Variants in FARS2 observed in about 807,000 individuals in gnomAD.
FARS2 encodes the protein phenylalanyl-tRNA synthetase 2, mitochondrial.
In FARS2, 40 loss-of-function variants were observed where a neutral mutation model predicts 46.4. That is an observed-to-expected ratio of 0.86 (90% CI 0.67 to 1.12). The LOEUF (loss-of-function observed/expected upper bound fraction) is 1.12, where lower values mean the gene tolerates loss of function less well. FARS2 is among the 50% of genes most tolerant of loss of function. The pLI, the probability that FARS2 is intolerant of heterozygous loss-of-function variation, is 0.00. For synonymous variants in FARS2, 234 were observed against 214.9 expected, an observed-to-expected ratio of 1.09 and a Z score of -0.78; for missense variants, 513 against 567.9, an observed-to-expected ratio of 0.90 and a Z score of 0.98.
intron 6 of FARS2, among the ~76,000 whole-genome samples, chr6:5,678,320 A>G (rs1033682049): frequency 6.6e-5 from 10 of 152,122 alleles, no homozygotes. Context: ...ATTTCCATCA[A>G]CGCTTGAAGG....
chr6:5,691,821 T>C (rs1373608826), intron 6 of FARS2, among the ~76,000 whole-genome samples: 3 of 152,200 alleles, frequency 2.0e-5, no homozygotes, highest in Non-Finnish European at 2.9e-5. Context: ...CTCCTTGAGC[T>C]GCAGTGGGCT....
At chr6:5,621,299 C>T (rs1775764840) in intron 6 of FARS2, among the ~76,000 whole-genome samples, 1 of 151,728 alleles carries the variant, frequency 6.6e-6, no homozygotes, top group Non-Finnish European at 1.5e-5. Flanking sequence ...CTTCGTTGCC[C>T]AGGCCGATCT....
At chr6:5,564,316 C>T (rs534296757) in intron 5 of FARS2, among the ~76,000 whole-genome samples, 2 of 152,248 alleles carry the variant, frequency 1.3e-5, no homozygotes, top group African/African-American at 4.8e-5. Flanking sequence ...ACAAAGAAAC[C>T]TCCGGGTTAT....
intron 5 of FARS2, among the ~76,000 whole-genome samples, chr6:5,604,167 C>T (rs571517023): frequency 6.6e-6 from 1 of 152,262 alleles, no homozygotes; most frequent in African/African-American, 2.4e-5. Flanking sequence ...CAAGTCTTTG[C>T]TTGGTGGCTT....
At chr6:5,366,809 G>A (rs1327776103) in intron 1 of FARS2, among the ~76,000 whole-genome samples, 1 of 152,090 alleles carries the variant, frequency 6.6e-6, no homozygotes, top group Non-Finnish European at 1.5e-5. Flanking sequence ...TTGTGTTTTG[G>A]CAAGGGTGCT....
intron 1 of FARS2, among the ~76,000 whole-genome samples, chr6:5,353,861 C>T (rs1327145890): frequency 3.5e-5 from 5 of 144,546 alleles, no homozygotes; most frequent in African/African-American, 1.3e-4. Context: ...GCTGTCCTTT[C>T]TCAGGTGTGA....
chr6:5,424,001 A>G (rs111740450), intron 3 of FARS2, among the ~76,000 whole-genome samples: 9 of 152,286 alleles, frequency 5.9e-5, no homozygotes, highest in African/African-American at 1.9e-4. Context: ...CTGAGTCCAG[A>G]AGACACTCTT....
chr6:5,647,930 T>C (rs1777158963), intron 6 of FARS2, among the ~76,000 whole-genome samples: 1 of 152,212 alleles, frequency 6.6e-6, no homozygotes, highest in Non-Finnish European at 1.5e-5. Flanking sequence ...CGGTATTCAC[T>C]CACCATTATT....
chr6:5,678,362 TG>T (rs748603634), intron 6 of FARS2, among the ~76,000 whole-genome samples: 2 of 152,046 alleles, frequency 1.3e-5, no homozygotes, highest in East Asian at 3.9e-4. Context: ...GGAGGAAAGG[TG>T]GATGGGAGGG....
chr6:5,531,085 A>T (rs567690004), intron 4 of FARS2, among the ~76,000 whole-genome samples: 51 of 152,268 alleles, frequency 3.3e-4, no homozygotes, highest in African/African-American at 1.2e-3. Context: ...GGAAGAAAGA[A>T]GGAAGTAGTT....
intron 1 of FARS2, among the ~76,000 whole-genome samples, chr6:5,313,064 C>T (rs981183595): frequency 6.6e-6 from 1 of 152,154 alleles, no homozygotes; most frequent in African/African-American, 2.4e-5. Context: ...TGTGGTGGTA[C>T]TGCAGAACAA....
intron 3 of FARS2, among the ~76,000 whole-genome samples, chr6:5,424,930 G>C (rs1251525308): frequency 3.3e-5 from 5 of 152,140 alleles, no homozygotes; most frequent in Admixed American, 3.3e-4. Context: ...GATTTCCCGT[G>C]GTTAGATTGT....
In FARS2 at chr6:5,642,977, G is replaced by A. The variant is rs570380770; in HGVS notation, c.1217+29657G>A. Among the ~76,000 whole-genome samples the A allele has an allele frequency of 7.9e-5, 12 of 152,368 alleles. No individual in the cohort carries two copies. The South Asian group carries it at 2.5e-3, about 32-fold the overall frequency. Reference sequence around the variant, plus strand: ...GGTTGGGTCTGGCCCTGCAATGCAGGACATCTGGACGTGAACACAGCCTCT... The same window carrying A: ...GGTTGGGTCTGGCCCTGCAATGCAGAACATCTGGACGTGAACACAGCCTCT... On this transcript the variant is annotated intron_variant, in intron 6 of 6. Coordinates refer to ENST00000274680, the MANE Select transcript of FARS2 (RefSeq NM_006567.5).
At chr6:5,730,393 CT>C (rs930330166) in intron 6 of FARS2, among the ~76,000 whole-genome samples, 2 of 152,086 alleles carry the variant, frequency 1.3e-5, no homozygotes, top group Non-Finnish European at 2.9e-5. Flanking sequence ...AGAGATGCTG[CT>C]TTTTTGAGAC....
rs776978543 is a variant in FARS2 at position 5,343,242 on chromosome 6, G to A, written c.-21-25308G>A. 6.6e-5 allele frequency among the ~76,000 whole-genome samples: 10 copies of A among 151,924 alleles called. No individual in the cohort carries two copies. Among genetic ancestry groups the A allele is most frequent in the Non-Finnish European group, 1.0e-4 (7 of 67,984 alleles). ...TTTATTTATTTAGAGATGGAATTTC[G>A]CTCTCGTTGCCCAGGCTGGAGTGCA... On this transcript the variant is annotated intron_variant, in intron 1 of 6. Transcript: ENST00000274680. This position sits in a 1 kb window ranked among gnomAD's most constrained non-coding sequence, Gnocchi z 4.5.
intron 5 of FARS2, 41 bp downstream of exon 5, chr6:5,545,381 T>G: frequency 6.6e-7 from 1 of 1,512,618 alleles, no homozygotes. Context: ...ATAATAAAAA[T>G]GGCTGTCAAG....
chr6:5,685,539 C>T (rs1309765506), intron 6 of FARS2, among the ~76,000 whole-genome samples: 1 of 152,214 alleles, frequency 6.6e-6, no homozygotes, highest in South Asian at 2.1e-4. Flanking sequence ...GGGGTGTCCT[C>T]AGGACCTGGC....
At chr6:5,548,760 A>G (rs375107608) in intron 5 of FARS2, among the ~76,000 whole-genome samples, 1 of 152,196 alleles carries the variant, frequency 6.6e-6, no homozygotes, top group Non-Finnish European at 1.5e-5. Context: ...CTTGCACTAA[A>G]TGTCATTTTT....
At chr6:5,536,599 A>G (rs925568906) in intron 4 of FARS2, among the ~76,000 whole-genome samples, 3 of 152,210 alleles carry the variant, frequency 2.0e-5, no homozygotes, top group African/African-American at 7.2e-5. Flanking sequence ...ATGAAAATCA[A>G]AATAAATATT....
Sources: gnomAD v4.1 joint callset for allele counts (sites outside exome capture counted in the v4.1 genomes callset) on GRCh38, gnomAD v4.1.1 for gene constraint, Gnocchi (gnomAD v3.1) non-coding constraint, MANE v1.5 for transcripts, NCBI Gene and HGNC (gene_info 2026-07-23, HGNC 2026-07-21) for gene names.